DNAH1: variants seen among roughly 807,000 people sequenced by gnomAD.
The protein encoded by DNAH1 is dynein axonemal heavy chain 1, also known as axonemal beta dynein heavy chain 1.
DNAH1 carries 327 observed loss-of-function variants against 484.3 expected under a neutral mutation model. The observed-to-expected ratio is 0.68, with a 90% CI of 0.62 to 0.74. DNAH1 has a LOEUF of 0.74. DNAH1 is among the 30% of genes least tolerant of loss of function. The pLI, the probability that DNAH1 is intolerant of heterozygous loss-of-function variation, is 0.00. For synonymous variants in DNAH1, 2,192 were observed against 2,191.9 expected, an observed-to-expected ratio of 1.00 and a Z score of 0.00; for missense variants, 5,052 against 5,546.8, an observed-to-expected ratio of 0.91 and a Z score of 2.83.
Position 52,347,681 on chromosome 3 carries a change from G to A in DNAH1, c.1956-143G>A. On this transcript the variant is annotated intron_variant, in intron 11 of 77. Transcript: ENST00000420323. ...CCTGGGTCTTCCTCTCTGGTAACTT[G>A]GAGGTGTGTGGGACGAAGGAGAAGG... 5.0e-6 allele frequency: 5 copies of A among 1,007,270 alleles called. No individual in the cohort carries two copies. The South Asian group carries it at 1.0e-4, about 20-fold the overall frequency. 62.4% of individuals were successfully genotyped at this position (1,007,270 alleles called of 1,614,324 possible).
rs995018672 is a variant in DNAH1, at chr3:52,379,502, T to C, written c.7378-403T>C. On this transcript the variant is annotated intron_variant, in intron 47 of 77. Transcript: ENST00000420323. The surrounding 1 kb of genome is among the most constrained non-coding windows in gnomAD (Gnocchi z 4.4). ...AGAGGAGATTGGTGGGTCATGTCAG[T>C]GTGGCTTGGTGGGTGGTTAGATGTG... is the stretch of plus-strand genomic sequence containing the variant. Among the ~76,000 whole-genome samples, 1 of 151,920 alleles carries C rather than the reference T, an allele frequency of 6.6e-6. No homozygotes were observed. The highest frequency in any genetic ancestry group is 1.9e-4 in the East Asian group (1 of 5,180).
Position 52,346,629 on chromosome 3 carries a change from A to G in DNAH1, c.1814A>G (p.Tyr605Cys), listed in dbSNP as rs374932504. 2.5e-6 allele frequency: 4 copies of G among 1,614,062 alleles called. No individual in the cohort carries two copies. The highest frequency in any genetic ancestry group is 3.4e-6 in the Non-Finnish European group (4 of 1,179,894). Residue 605 changes from tyrosine to cysteine, a missense_variant, in exon 11 of 78, where the codon TAC (tyrosine) becomes TGC (cysteine). Around this residue, in one of 4 missense-constraint regions of DNAH1, gnomAD observed 1,263 missense variants for 1,218.8 expected, o/e 1.04. Transcript: ENST00000420323. Reference protein sequence around the residue: ...KLRKLMELVKYMLQDTLRFLV... With the variant: ...KLRKLMELVKCMLQDTLRFLV... ...CGCAAGCTGATGGAGCTGGTGAAGTACATGCTGCAGGACACACTGCGCTTC... is the reference window on the plus strand; with the variant it reads ...CGCAAGCTGATGGAGCTGGTGAAGTGCATGCTGCAGGACACACTGCGCTTC...
chr3:52,355,094 A>G lies in DNAH1; in HGVS notation c.3693+39A>G. 2 of 1,594,086 alleles carry G rather than the reference A, an allele frequency of 1.3e-6. No individual in the cohort carries two copies. Among genetic ancestry groups the G allele is most frequent in the African/African-American group, 1.3e-5 (1 of 74,558 alleles). On this transcript the variant is annotated intron_variant, in intron 21 of 77. Transcript: ENST00000420323. This position sits in a 1 kb window ranked among gnomAD's most constrained non-coding sequence, Gnocchi z 4.5. Reference sequence around the variant, plus strand: ...CCAGTCCTTCCCTCATCGCTCCCCCACTTCAGAGAGCCCGACCCACAGGTG... The same window carrying G: ...CCAGTCCTTCCCTCATCGCTCCCCCGCTTCAGAGAGCCCGACCCACAGGTG...
At chr3:52,398,007 C>G (rs775024559) in intron 74 of DNAH1, 25 bp from the exon 75 acceptor site, 19 of 1,609,328 alleles carry the variant, frequency 1.2e-5, no homozygotes, top group Non-Finnish European at 1.6e-5. Context: ...AGCCTTGACC[C>G]CACAGTATTC....
intron 34 of DNAH1, 29 bp from the exon 35 acceptor site, chr3:52,366,428 A>T: frequency 3.2e-6 from 5 of 1,556,690 alleles, no homozygotes; most frequent in Non-Finnish European, 4.4e-6. Context: ...CCATGCTCTG[A>T]CCCTTGGGCC....
At chr3:52,343,137 C>A (rs1702010805) in intron 8 of DNAH1, among the ~76,000 whole-genome samples, 1 of 152,128 alleles carries the variant, frequency 6.6e-6, no homozygotes, top group Non-Finnish European at 1.5e-5. Flanking sequence ...TGAGGCAGAG[C>A]CTGGAGTGGC....
chr3:52,361,052 C>T lies in DNAH1; in HGVS notation c.4686-112C>T. 1 of 1,108,084 alleles carries T rather than the reference C, an allele frequency of 9.0e-7. No homozygotes were observed. Among genetic ancestry groups the T allele is most frequent in the Non-Finnish European group, 1.2e-6 (1 of 835,546 alleles). The allele number at this position is 1,108,084 out of a possible 1,614,324, so 68.6% of individuals were successfully genotyped here. ...CCCGGAGCCAGGGCTGGGCACACCCCAGCCCACCAAAAGGGGACGGGGCGA... is the reference window on the plus strand; with the variant it reads ...CCCGGAGCCAGGGCTGGGCACACCCTAGCCCACCAAAAGGGGACGGGGCGA... On this transcript the variant is annotated intron_variant, in intron 28 of 77. Transcript: ENST00000420323. This position sits in a 1 kb window ranked among gnomAD's most constrained non-coding sequence, Gnocchi z 5.6.
intron 8 of DNAH1, among the ~76,000 whole-genome samples, chr3:52,343,826 G>C (rs1016896744): frequency 1.3e-5 from 2 of 152,216 alleles, no homozygotes; most frequent in African/African-American, 4.8e-5. Context: ...CCAGGTGCCG[G>C]AACACAGCGG....
chr3:52,361,217 C>G lies in DNAH1; in HGVS notation c.4739C>G (p.Ala1580Gly), dbSNP rs754588837. The G allele has an allele frequency of 3.7e-6, 6 of 1,612,592 alleles. No individual in the cohort carries two copies. Among genetic ancestry groups the G allele is most frequent in the Admixed American group, 1.7e-5 (1 of 59,944 alleles). ...CACCTCAAGTTTGGGGGTGCCCCAG[C>G]TGGCCCAGCTGGCACAGGCAAAACT... ...ALHLKFGGAP[A>G]GPAGTGKTET... The change falls in exon 29 of 78, where the codon GCT (alanine) becomes GGT (glycine). Residue 1580 changes from alanine (A) to glycine (G), a missense_variant. By Grantham distance (60) the Ala-to-Gly change is moderately conservative (BLOSUM62 0). This residue lies in a region of DNAH1 where 2,929 missense variants were observed against 3,409.4 expected (regional missense o/e 0.86). Transcript: ENST00000420323. This position sits in a 1 kb window ranked among gnomAD's most constrained non-coding sequence, Gnocchi z 5.6.
chr3:52,326,876 C>T lies in DNAH1; in HGVS notation c.723C>T (p.Ile241=). The T allele has an allele frequency of 6.2e-7, 1 of 1,612,848 alleles. No individual in the cohort carries two copies. Among genetic ancestry groups the T allele is most frequent in the Non-Finnish European group, 8.5e-7 (1 of 1,179,364 alleles). The part of the protein sequence containing the change: ...IEQGHDPIFP[I]YLPLKVFDNE... ...AGGGCCATGACCCAATCTTCCCCAT[C>T]TACCTCCCACTGAAGGTGAGCCGGG... The change falls in exon 5 of 78, where the codon ATC becomes ATT. Residue 241 remains isoleucine (I), a synonymous_variant. Transcript: ENST00000420323.
In DNAH1 at chr3:52,373,948, G is replaced by A. The variant is rs1434964941; in HGVS notation, c.6985+895G>A. The A allele has an allele frequency of 2.6e-5, 34 of 1,292,010 alleles. No individual in the cohort carries two copies. The East Asian group carries it at 6.9e-4, about 26-fold the overall frequency. 80.0% of individuals were successfully genotyped at this position (1,292,010 alleles called of 1,614,324 possible). A position where few individuals can be genotyped will look rare whatever the true frequency, so the allele number is the denominator to read the frequency against. On this transcript the variant is annotated intron_variant, in intron 44 of 77. Coordinates refer to ENST00000420323, the MANE Select transcript of DNAH1 (RefSeq NM_015512.5). ...GAAGATGAACCAACGTTAGAAGCAG[G>A]CTGGCTTCATCTACACTTATTTATG...
chr3:52,322,648 C>T lies in DNAH1; in HGVS notation c.206C>T (p.Pro69Leu). The T allele has an allele frequency of 2.5e-6, 4 of 1,613,902 alleles. No homozygotes were observed. The highest frequency in any genetic ancestry group is 3.4e-6 in the Non-Finnish European group (4 of 1,179,876). ...CATTTACCCCTGCCCCCGGCCCCACCCACACTCTCAGACTTGGGGCAGCCA... is the reference window on the plus strand; with the variant it reads ...CATTTACCCCTGCCCCCGGCCCCACTCACACTCTCAGACTTGGGGCAGCCA... ...LPHLPLPPAP[P>L]TLSDLGQPRK... is the part of the protein sequence containing the mutation. The change falls in exon 2 of 78, where the codon CCC (proline) becomes CTC (leucine). Residue 69 changes from proline (P) to leucine (L), a missense_variant. This residue lies in a region of DNAH1 where 1,263 missense variants were observed against 1,218.8 expected (regional missense o/e 1.04). Transcript: ENST00000420323.
chr3:52,388,930 C>T lies in DNAH1; in HGVS notation c.9488C>T (p.Pro3163Leu). 1.3e-6 allele frequency: 2 copies of T among 1,598,932 alleles called. No homozygotes were observed. Among genetic ancestry groups the T allele is most frequent in the South Asian group, 1.1e-5 (1 of 89,656 alleles). Residue 3163 changes from proline (P) to leucine (L), a missense_variant, in exon 59 of 78, where the codon CCC becomes CTC. This residue lies in a region of DNAH1 where 2,929 missense variants were observed against 3,409.4 expected (regional missense o/e 0.86). Transcript: ENST00000420323. ...VAAGFVAYLG[P>L]FTGQYRTVLY... The stretch of plus-strand genomic sequence containing the variant: ...GCTGGCTTTGTGGCCTACCTGGGCC[C>T]CTTCACGGTAAGAAGTCCCCACCTC...
Position 52,396,668 on chromosome 3 carries a change from C to G in DNAH1, c.11481C>G (p.Asn3827Lys). ...TGTCTCTGTGCTTGTTCCATGGGAA[C>G]GCCCTGGAGCGCCGTAAGTTTGGGC... ...LLLSLCLFHGNALERRKFGPL... is the reference protein window; with the variant it reads ...LLLSLCLFHGKALERRKFGPL... Residue 3827 changes from asparagine (N) to lysine (K), a missense_variant, in exon 72 of 78, where the codon AAC becomes AAG. By Grantham distance (94) the Asn-to-Lys change is moderately conservative. Around this residue, in one of 4 missense-constraint regions of DNAH1, gnomAD observed 853 missense variants for 899.0 expected, o/e 0.95. Coordinates refer to ENST00000420323, the MANE Select transcript of DNAH1 (RefSeq NM_015512.5). The G allele has an allele frequency of 6.2e-7, 1 of 1,613,660 alleles. No homozygotes were observed. Among genetic ancestry groups the G allele is most frequent in the Non-Finnish European group, 8.5e-7 (1 of 1,179,834 alleles).
intron 59 of DNAH1, 71 bp from the exon 60 acceptor site, chr3:52,389,390 T>C: frequency 6.3e-7 from 1 of 1,596,656 alleles, no homozygotes. Context: ...CCAAGCACTG[T>C]GGCTTAGTGG....
chr3:52,317,540 CA>C (rs1386439592), intron 1 of DNAH1, among the ~76,000 whole-genome samples: 1 of 152,230 alleles, frequency 6.6e-6, no homozygotes, highest in Non-Finnish European at 1.5e-5. Context: ...AAATTATTTA[CA>C]TATGTATATG....
In DNAH1 at chr3:52,348,935, C is replaced by T. The variant is rs781155819; in HGVS notation, c.2154C>T (p.Ser718=). The T allele has an allele frequency of 2.4e-5, 38 of 1,613,394 alleles. No homozygotes were observed. Among genetic ancestry groups the T allele is most frequent in the East Asian group, 1.3e-4 (6 of 44,876 alleles). The stretch of plus-strand genomic sequence containing the variant: ...TCAGCGGTGACCCCCTGCTGGAGTC[C>T]GTGGGCCTTCATGAGCCACTGGTGG... ...IFISGDPLLE[S]VGLHEPLVEE... The change falls in exon 13 of 78, where the codon TCC becomes TCT. Residue 718 remains serine, a synonymous_variant. Transcript: ENST00000420323.
intron 63 of DNAH1, 88 bp downstream of exon 63, chr3:52,391,691 G>T: frequency 6.6e-7 from 1 of 1,505,872 alleles, no homozygotes; most frequent in Non-Finnish European, 9.1e-7. Flanking sequence ...CCGGGAGTCA[G>T]TGGGACTTTC....
At chr3:52,356,533 A>T (rs1702616512) in intron 21 of DNAH1, 81 bp from the exon 22 acceptor site, 1 of 1,437,000 alleles carries the variant, frequency 7.0e-7, no homozygotes, top group Admixed American at 1.9e-5. Flanking sequence ...GGTGGGGTGA[A>T]ATGTCCCAGT....
Sources: gnomAD v4.1 joint callset for allele counts (sites outside exome capture counted in the v4.1 genomes callset) on GRCh38, gnomAD v4.1.1 for gene constraint, gnomAD v4.1.1 regional missense constraint, Gnocchi (gnomAD v3.1) non-coding constraint, MANE v1.5 for transcripts, NCBI Gene and HGNC (gene_info 2026-07-23, HGNC 2026-07-21) for gene names.